Variants in GPHN observed in about 807,000 individuals in gnomAD.
GPHN encodes gephyrin.
GPHN carries 17 observed loss-of-function variants against 95.5 expected under a neutral mutation model. That is an observed-to-expected ratio of 0.18 (90% CI 0.12 to 0.27). GPHN has a LOEUF of 0.27. Among genes scored for constraint, GPHN ranks in the 10% least tolerant of loss-of-function variants. GPHN has a pLI of 1.00. For missense variants in GPHN, 660 were observed against 978.1 expected (o/e 0.67, Z 4.34); for synonymous variants, 320 against 322.5 (o/e 0.99, Z 0.08).
the GPHN span, among the ~76,000 whole-genome samples, chr14:67,664,621 C>T: frequency 6.6e-6 from 1 of 151,188 alleles, no homozygotes; most frequent in Non-Finnish European, 1.5e-5. Context: ...CTCAGCCTCC[C>T]GAGCAGCTGG....
Position 66,997,637 on chromosome 14 carries a change from A to G in GPHN, c.964-25996A>G, listed in dbSNP as rs142681679. ...ATACCATCTGCAGATCTCAAATTTT[A>G]AGAAAAAACCAAAAGAAATAGCATG... On this transcript the variant is annotated intron_variant, in intron 9 of 22. Transcript: ENST00000478722. Among the ~76,000 whole-genome samples, 999 of 152,328 alleles carry G rather than the reference A, an allele frequency of 6.6e-3. 6 individuals are homozygous for G. The highest frequency in any genetic ancestry group is 8.1e-3 in the Non-Finnish European group (551 of 68,018).
the GPHN span, among the ~76,000 whole-genome samples, chr14:67,326,549 T>C: frequency 6.6e-6 from 1 of 152,200 alleles, no homozygotes; most frequent in Non-Finnish European, 1.5e-5. Flanking sequence ...AATGTGTACC[T>C]GTGTAACCAC....
chr14:66,544,718 A>C (rs2059470890), intron 1 of GPHN, among the ~76,000 whole-genome samples: 1 of 152,000 alleles, frequency 6.6e-6, no homozygotes, highest in African/African-American at 2.4e-5. Flanking sequence ...TGGTTTTCCT[A>C]GGCGGAGGAC....
chr14:66,661,425 A>G (rs964545607), intron 1 of GPHN, among the ~76,000 whole-genome samples: 10 of 152,076 alleles, frequency 6.6e-5, no homozygotes, highest in African/African-American at 2.2e-4. Flanking sequence ...CTTCTTTAAG[A>G]GGGACCCTCA....
At chr14:67,480,082 C>T in the GPHN span, among the ~76,000 whole-genome samples, 1 of 152,162 alleles carries the variant, frequency 6.6e-6, no homozygotes, top group African/African-American at 2.4e-5. Flanking sequence ...GTTGTGAGGA[C>T]GAATGAACTC....
At chr14:67,393,729 C>T in the GPHN span, among the ~76,000 whole-genome samples, 7 of 152,266 alleles carry the variant, frequency 4.6e-5, no homozygotes, top group Admixed American at 1.3e-4. Context: ...ACTGGGATTA[C>T]AGGTGTGAGC....
intron 4 of GPHN, among the ~76,000 whole-genome samples, chr14:66,879,429 G>A (rs2063825050): frequency 6.6e-6 from 1 of 151,644 alleles, no homozygotes; most frequent in Non-Finnish European, 1.5e-5. Flanking sequence ...GATGGTAAAT[G>A]TAGAATTTTT....
chr14:67,128,605 T>C (rs1308769085), intron 17 of GPHN, among the ~76,000 whole-genome samples: 1 of 152,054 alleles, frequency 6.6e-6, no homozygotes, highest in Non-Finnish European at 1.5e-5. Flanking sequence ...TTTCTAGTAG[T>C]AAGAGTTTGC....
At chr14:66,865,168 T>C (rs1042094444) in intron 4 of GPHN, among the ~76,000 whole-genome samples, 7 of 151,940 alleles carry the variant, frequency 4.6e-5, no homozygotes, top group African/African-American at 1.7e-4. Context: ...AAAAAATGAG[T>C]AAAACCTGGT....
intron 1 of GPHN, among the ~76,000 whole-genome samples, chr14:66,580,842 A>AC (rs1476716160): frequency 6.6e-6 from 1 of 151,844 alleles, no homozygotes; most frequent in Non-Finnish European, 1.5e-5. Flanking sequence ...TTACCATGAT[A>AC]CCGAAGTCAA....
At chr14:67,645,776 T>C in the GPHN span, 1 of 1,614,040 alleles carries the variant, frequency 6.2e-7, no homozygotes, top group Non-Finnish European at 8.5e-7. Flanking sequence ...GCCAGTTTCA[T>C]TTCTCCTCAG....
chr14:67,329,181 G>A, the GPHN span, among the ~76,000 whole-genome samples: 1 of 152,158 alleles, frequency 6.6e-6, no homozygotes, highest in Non-Finnish European at 1.5e-5. Flanking sequence ...TCTCCTTGAA[G>A]AGGTCCTTCA....
chr14:67,702,877 G>A, the GPHN span, among the ~76,000 whole-genome samples: 1 of 152,168 alleles, frequency 6.6e-6, no homozygotes, highest in Admixed American at 6.5e-5. Flanking sequence ...GCAGTGGTAT[G>A]ACCATGGCTC....
intron 4 of GPHN, among the ~76,000 whole-genome samples, chr14:66,851,346 C>CA (rs1567019520): frequency 6.8e-6 from 1 of 147,766 alleles, no homozygotes; most frequent in East Asian, 2.0e-4. Flanking sequence ...CTACAGATTA[C>CA]TTTTTTTTTT....
the GPHN span, among the ~76,000 whole-genome samples, chr14:67,217,958 G>C: frequency 6.6e-6 from 1 of 152,044 alleles, no homozygotes; most frequent in Non-Finnish European, 1.5e-5. Context: ...TATATGAATG[G>C]GTCTTGGGAT....
intron 1 of GPHN, among the ~76,000 whole-genome samples, chr14:66,584,263 C>T: frequency 6.6e-6 from 1 of 152,148 alleles, no homozygotes; most frequent in East Asian, 1.9e-4. Flanking sequence ...GCTGAAGTTG[C>T]TTATCAGCTT....
chr14:67,245,481 A>G, the GPHN span, among the ~76,000 whole-genome samples: 1 of 151,990 alleles, frequency 6.6e-6, no homozygotes, highest in South Asian at 2.1e-4. Flanking sequence ...AAATTGGATT[A>G]TTGTCTTATT....
chr14:66,838,042 G>T (rs1023488699), intron 4 of GPHN, among the ~76,000 whole-genome samples: 1 of 152,068 alleles, frequency 6.6e-6, no homozygotes, highest in African/African-American at 2.4e-5. Flanking sequence ...ATTCTGCTCT[G>T]TAATGGGGCA....
At chr14:66,752,303 C>A (rs1316627578) in intron 2 of GPHN, among the ~76,000 whole-genome samples, 5 of 152,098 alleles carry the variant, frequency 3.3e-5, no homozygotes, top group African/African-American at 1.2e-4. Flanking sequence ...TTTGTATGCA[C>A]TACTTGGCTT....
Sources: gnomAD v4.1 joint callset for allele counts (sites outside exome capture counted in the v4.1 genomes callset) on GRCh38, gnomAD v4.1.1 for gene constraint, MANE v1.5 for transcripts, NCBI Gene and HGNC (gene_info 2026-07-23, HGNC 2026-07-21) for gene names.